Variants in PDE8A observed in about 807,000 individuals in gnomAD.
PDE8A encodes phosphodiesterase 8A.
Under a neutral mutation model 105.0 loss-of-function variants are expected in PDE8A, and 59 were observed. That is an observed-to-expected ratio of 0.56 (90% confidence interval 0.46 to 0.70). The LOEUF is 0.70. PDE8A is among the 30% of genes least tolerant of loss of function. PDE8A has a pLI of 0.00. For synonymous variants in PDE8A, 355 were observed against 371.9 expected (o/e 0.95, Z 0.52); for missense variants, 1,014 against 1,045.9 (o/e 0.97, Z 0.42).
intron 1 of PDE8A, among the ~76,000 whole-genome samples, chr15:85,001,576 G>A (rs979030423): frequency 6.6e-6 from 1 of 152,148 alleles, no homozygotes; most frequent in African/African-American, 2.4e-5. Flanking sequence ...GGAAGAGCAT[G>A]GTGGCTGGTA....
chr15:85,077,594 C>T lies in PDE8A; in HGVS notation c.546+807C>T, dbSNP rs940885057. ...TCCATAAATAATTGCTCAAGGGCAG[C>T]CGGCAGCAGTCAGTCAAAGCTGGAG... On this transcript the variant is annotated intron_variant, in intron 5 of 21. Transcript: ENST00000394553. Among the ~76,000 whole-genome samples the T allele has an allele frequency of 2.6e-5, 4 of 152,248 alleles. No homozygotes were observed. The South Asian group carries it at 8.3e-4, about 32-fold the overall frequency.
intron 1 of PDE8A, among the ~76,000 whole-genome samples, chr15:84,990,219 A>G (rs1269119714): frequency 6.6e-6 from 1 of 152,206 alleles, no homozygotes; most frequent in Admixed American, 6.5e-5. Flanking sequence ...ATAAATTCAA[A>G]GTTTACATTT....
Position 85,089,362 on chromosome 15 carries a change from A to G in PDE8A, c.660A>G (p.Ala220=), listed in dbSNP as rs2081603983. The change falls in exon 7 of 22, where the codon GCA becomes GCG. Residue 220 remains alanine (A), a synonymous_variant. Transcript: ENST00000394553. ...KLRACNSVFT[A]LENSEDAIEI... Reference sequence around the variant, plus strand: ...GGGCTTGTAACTCAGTATTCACTGCATTAGAAAACAGTGAAGATGCAATTG... The same window carrying G: ...GGGCTTGTAACTCAGTATTCACTGCGTTAGAAAACAGTGAAGATGCAATTG... The G allele has an allele frequency of 1.3e-6, 2 of 1,588,860 alleles. No homozygotes were observed. The highest frequency in any genetic ancestry group is 1.7e-6 in the Non-Finnish European group (2 of 1,159,238).
chr15:84,987,767 G>A (rs550314585), intron 1 of PDE8A, among the ~76,000 whole-genome samples: 4 of 152,108 alleles, frequency 2.6e-5, no homozygotes, highest in South Asian at 2.1e-4. Context: ...GTGAGCCACC[G>A]CGCCCGGCCT....
chr15:85,115,403 G>A, intron 14 of PDE8A, 36 bp from the exon 15 acceptor site: 1 of 1,402,910 alleles, frequency 7.1e-7, no homozygotes, highest in South Asian at 1.3e-5. Flanking sequence ...GAATAGTTGT[G>A]ACTTTTCTTT....
intron 19 of PDE8A, among the ~76,000 whole-genome samples, chr15:85,125,676 C>G (rs545608597): frequency 6.6e-6 from 1 of 152,220 alleles, no homozygotes; most frequent in East Asian, 1.9e-4. Flanking sequence ...CTGTTAAGTC[C>G]TTTATCCATC....
chr15:85,110,543 C>T (rs957278277), intron 12 of PDE8A, among the ~76,000 whole-genome samples: 18 of 152,264 alleles, frequency 1.2e-4, no homozygotes, highest in African/African-American at 3.9e-4. Context: ...GAATTGGAAT[C>T]GTACAGTATG....
rs745315734 is a variant in PDE8A at position 85,117,621 on chromosome 15, G to A, written c.1536-20G>A. On this transcript the variant is annotated intron_variant, in intron 16 of 21. Coordinates refer to ENST00000394553, the MANE Select transcript of PDE8A (RefSeq NM_002605.3). ...TTTGTTTGCTTTGTTCTAATATTGT[G>A]GGGTTTTTTCTGTCTATAGGCCTTT... 4.4e-6 allele frequency: 7 copies of A among 1,603,372 alleles called. No homozygotes were observed. The highest frequency in any genetic ancestry group is 6.0e-6 in the Non-Finnish European group (7 of 1,170,818).
At chr15:85,086,263 C>T (rs1261465816) in intron 6 of PDE8A, among the ~76,000 whole-genome samples, 3 of 151,920 alleles carry the variant, frequency 2.0e-5, no homozygotes, top group East Asian at 3.9e-4. Flanking sequence ...AATTGGATGA[C>T]GAAGTCATTA....
chr15:85,082,336 T>TTA (rs1191853775), intron 5 of PDE8A, among the ~76,000 whole-genome samples: 1 of 152,184 alleles, frequency 6.6e-6, no homozygotes, highest in East Asian at 1.9e-4. Context: ...CAGTAGCTGT[T>TTA]CTTTACATTT....
chr15:84,993,176 G>T (rs925684147), intron 1 of PDE8A, among the ~76,000 whole-genome samples: 8 of 152,190 alleles, frequency 5.3e-5, no homozygotes, highest in Non-Finnish European at 1.0e-4. Context: ...GGGCGTGGTG[G>T]CTCATGCCTG....
chr15:84,994,689 G>A (rs753759650), intron 1 of PDE8A, among the ~76,000 whole-genome samples: 5 of 152,098 alleles, frequency 3.3e-5, no homozygotes, highest in South Asian at 2.1e-4. Context: ...AAGTGAGGAC[G>A]GGAGCGGTGG....
intron 1 of PDE8A, among the ~76,000 whole-genome samples, chr15:85,035,197 C>CTTTTTTT (rs35548176): frequency 1.4e-4 from 8 of 57,786 alleles, no homozygotes; most frequent in Non-Finnish European, 2.4e-4. Context: ...TGGGTATTTC[C>CTTTTTTT]TTTTTTTTTT....
chr15:85,034,105 ATCAAG>A (rs2080662615), intron 1 of PDE8A, among the ~76,000 whole-genome samples: 1 of 152,108 alleles, frequency 6.6e-6, no homozygotes, highest in African/African-American at 2.4e-5. Flanking sequence ...AGGCCAAAAG[ATCAAG>A]TCACTTAGTA....
chr15:85,070,515 G>A (rs2081295523), intron 3 of PDE8A, among the ~76,000 whole-genome samples: 1 of 152,188 alleles, frequency 6.6e-6, no homozygotes, highest in Non-Finnish European at 1.5e-5. Context: ...GTGTCAAAGA[G>A]GGCTTCGCAA....
chr15:85,006,431 C>T (rs1397226881), intron 1 of PDE8A, among the ~76,000 whole-genome samples: 1 of 152,116 alleles, frequency 6.6e-6, no homozygotes, highest in African/African-American at 2.4e-5. Context: ...ATGGTCCAGG[C>T]ACTCAGTTAG....
At chr15:85,040,562 A>ATT (rs535874533) in intron 1 of PDE8A, among the ~76,000 whole-genome samples, 55,670 of 132,752 alleles carry the variant, frequency 0.42, 13,040 homozygotes, top group South Asian at 0.53. Flanking sequence ...GTGCTTATGT[A>ATT]TTTTTTTTTT....
chr15:85,001,612 A>G (rs776478936), intron 1 of PDE8A, among the ~76,000 whole-genome samples: 3 of 152,130 alleles, frequency 2.0e-5, no homozygotes, highest in Non-Finnish European at 4.4e-5. Context: ...GAACTCCAGG[A>G]GGGATCTGAG....
chr15:85,013,952 C>G (rs2080280963), intron 1 of PDE8A, among the ~76,000 whole-genome samples: 1 of 152,142 alleles, frequency 6.6e-6, no homozygotes, highest in Non-Finnish European at 1.5e-5. Flanking sequence ...CCGCTGGCTT[C>G]CCGCAGAGAA....
Sources: allele counts gnomAD v4.1 joint callset (sites outside exome capture counted in the v4.1 genomes callset), GRCh38; gene constraint gnomAD v4.1.1; transcripts MANE v1.5; gene names NCBI Gene and HGNC (gene_info 2026-07-23, HGNC 2026-07-21).